The following H1-8 variants were observed in gnomAD, a reference collection of about 807,000 sequenced individuals.
The protein encoded by H1-8 is H1.8 linker histone.
A neutral mutation model predicts 19.5 loss-of-function variants in H1-8; 13 were observed. The observed-to-expected ratio is 0.67, with a 90% CI of 0.43 to 1.06. The LOEUF (loss-of-function observed/expected upper bound fraction) is 1.06, where lower values mean the gene tolerates loss of function less well. Ranked by LOEUF, H1-8 falls within the 50% of genes least tolerant of loss-of-function variation. The pLI is 0.00. For synonymous variants in H1-8, 193 were observed against 187.6 expected, an observed-to-expected ratio of 1.03 and a Z score of -0.24; for missense variants, 432 against 459.8, an observed-to-expected ratio of 0.94 and a Z score of 0.55.
At chr3:129,546,140 TA>T (rs2084886909) in intron 1 of H1-8, among the ~76,000 whole-genome samples, 1 of 147,786 alleles carries the variant, frequency 6.8e-6, no homozygotes, top group African/African-American at 2.5e-5. Flanking sequence ...ATAATAATAA[TA>T]ATAATAATAA....
Sources: gnomAD v4.1 joint callset for allele counts (sites outside exome capture counted in the v4.1 genomes callset) on GRCh38, gnomAD v4.1.1 for gene constraint, MANE v1.5 for transcripts, NCBI Gene and HGNC (gene_info 2026-07-23, HGNC 2026-07-21) for gene names.